ARIH1: variants seen among roughly 807,000 people sequenced by gnomAD.
The protein encoded by ARIH1 is ariadne RBR E3 ubiquitin protein ligase 1, also known as E3 ubiquitin-protein ligase ARIH1.
A neutral mutation model predicts 85.0 loss-of-function variants in ARIH1; 8 were observed. The observed-to-expected ratio is 0.09, with a 90% CI of 0.06 to 0.17. The LOEUF (loss-of-function observed/expected upper bound fraction) is 0.17. Among genes scored for constraint, ARIH1 ranks in the 10% least tolerant of loss-of-function variants. ARIH1 has a pLI of 1.00. For missense variants in ARIH1, 311 were observed against 718.1 expected, an observed-to-expected ratio of 0.43 and a Z score of 6.48; for synonymous variants, 238 against 253.6, an observed-to-expected ratio of 0.94 and a Z score of 0.59.
intron 2 of ARIH1, among the ~76,000 whole-genome samples, chr15:72,518,547 T>G (rs1490586390): frequency 1.3e-5 from 2 of 152,172 alleles, no homozygotes; most frequent in Non-Finnish European, 2.9e-5. Flanking sequence ...CCCAGCACTT[T>G]GGGAGGCTGA....
At chr15:72,507,545 C>T (rs1839614699) in intron 1 of ARIH1, among the ~76,000 whole-genome samples, 1 of 152,068 alleles carries the variant, frequency 6.6e-6, no homozygotes, top group African/African-American at 2.4e-5. Flanking sequence ...TTAAAAGCTT[C>T]CTAGATGGCT....
intron 11 of ARIH1, among the ~76,000 whole-genome samples, chr15:72,572,700 G>C (rs955003626): frequency 2.6e-5 from 4 of 152,156 alleles, no homozygotes; most frequent in Non-Finnish European, 4.4e-5. Context: ...TTTTGGTAGA[G>C]TCTTGCTTTC....
In ARIH1 at chr15:72,561,390, C is replaced by T. The variant is rs568781160; in HGVS notation, c.738-93C>T. ...ACAGCTTAGGGCATAAACATGTAGCCGTAGCATAAACAGCTTTTGAAACTA... is the reference window on the plus strand; with the variant it reads ...ACAGCTTAGGGCATAAACATGTAGCTGTAGCATAAACAGCTTTTGAAACTA... On this transcript the variant is annotated intron_variant, in intron 5 of 13. Coordinates refer to ENST00000379887, the MANE Select transcript of ARIH1 (RefSeq NM_005744.5). 283 of 854,324 alleles carry T rather than the reference C, an allele frequency of 3.3e-4. 2 individuals are homozygous for T. The highest frequency in any genetic ancestry group is 3.2e-3 in the South Asian group (209 of 66,002). The allele number at this position is 854,324 out of a possible 1,614,324, so 52.9% of individuals were successfully genotyped here. A position where few individuals can be genotyped will look rare whatever the true frequency, so the allele number is the denominator to read the frequency against.
At chr15:72,543,862 A>G (rs1365160751) in intron 2 of ARIH1, among the ~76,000 whole-genome samples, 1 of 150,764 alleles carries the variant, frequency 6.6e-6, no homozygotes. Context: ...TTTTTTTTTA[A>G]TATCTATTGC....
chr15:72,548,333 G>A (rs905775994), intron 3 of ARIH1, among the ~76,000 whole-genome samples: 1 of 152,034 alleles, frequency 6.6e-6, no homozygotes. Flanking sequence ...AAGAACTGGG[G>A]GATGGTAAAT....
chr15:72,567,492 TTAG>T (rs752833512), intron 9 of ARIH1, among the ~76,000 whole-genome samples: 3 of 152,208 alleles, frequency 2.0e-5, no homozygotes, highest in Non-Finnish European at 4.4e-5. Context: ...TGGCTGCCAT[TTAG>T]TATACAAATG....
Position 72,597,576 on chromosome 15 carries a change from C to T in ARIH1, c.*14284C>T, listed in dbSNP as rs1353229207. The T allele has an allele frequency of 2.0e-5, 3 of 152,182 alleles. No individual in the cohort carries two copies. Among genetic ancestry groups the T allele is most frequent in the Non-Finnish European group, 2.9e-5 (2 of 68,052 alleles). 9.4% of individuals were successfully genotyped at this position (152,182 alleles called of 1,614,324 possible). On this transcript the variant is annotated 3_prime_UTR_variant, in exon 14 of 14. Coordinates refer to ENST00000379887, the MANE Select transcript of ARIH1 (RefSeq NM_005744.5). Reference sequence around the variant, plus strand: ...CCCCATTTAGGCTCCAAGAGTGCCTCTGTTGGATTTCACAACAATCCTGCC... The same window carrying T: ...CCCCATTTAGGCTCCAAGAGTGCCTTTGTTGGATTTCACAACAATCCTGCC...
chr15:72,528,596 G>A (rs2064040542), intron 2 of ARIH1, among the ~76,000 whole-genome samples: 1 of 152,234 alleles, frequency 6.6e-6, no homozygotes, highest in African/African-American at 2.4e-5. Flanking sequence ...GCTCATGCCT[G>A]TGATCCCAGA....
chr15:72,503,083 C>G (rs1039004439), intron 1 of ARIH1, among the ~76,000 whole-genome samples: 5 of 152,222 alleles, frequency 3.3e-5, no homozygotes, highest in African/African-American at 1.2e-4. Flanking sequence ...AGGTGCTTCT[C>G]TGTCCTAAGT....
At chr15:72,549,229 A>G (rs1188580664) in intron 3 of ARIH1, among the ~76,000 whole-genome samples, 1 of 151,652 alleles carries the variant, frequency 6.6e-6, no homozygotes, top group Non-Finnish European at 1.5e-5. Context: ...CTGGGATTAC[A>G]GCCGCCCACC....
chr15:72,527,691 G>C (rs1022908686), intron 2 of ARIH1, among the ~76,000 whole-genome samples: 2 of 152,082 alleles, frequency 1.3e-5, no homozygotes, highest in African/African-American at 4.8e-5. Flanking sequence ...CATTGGCCCA[G>C]GCCTGACTTG....
rs2064376272 is a variant in ARIH1 at position 72,599,873 on chromosome 15, TTG to T, written c.*16582_*16583del. 2.6e-5 allele frequency: 4 copies of T among 152,242 alleles called. No homozygotes were observed. Among genetic ancestry groups the T allele is most frequent in the Admixed American group, 2.6e-4 (4 of 15,288 alleles). The allele number at this position is 152,242 out of a possible 1,614,324, so 9.4% of individuals were successfully genotyped here. On this transcript the variant is annotated 3_prime_UTR_variant, in exon 14 of 14. Coordinates refer to ENST00000379887, the MANE Select transcript of ARIH1 (RefSeq NM_005744.5). Reference sequence around the variant, plus strand: ...TGTCCACATTCACCATTGATTGCTATTGAGTATATCTGTAGCATCAAGAATAG... The same window carrying T: ...TGTCCACATTCACCATTGATTGCTATAGTATATCTGTAGCATCAAGAATAG...
intron 2 of ARIH1, among the ~76,000 whole-genome samples, chr15:72,528,828 A>G (rs890177235): frequency 1.8e-4 from 28 of 151,932 alleles, no homozygotes; most frequent in Non-Finnish European, 3.1e-4. Flanking sequence ...CTCTAGCCTG[A>G]GTGACCAAGT....
chr15:72,494,153 G>A (rs1167077963), intron 1 of ARIH1, among the ~76,000 whole-genome samples: 2 of 152,048 alleles, frequency 1.3e-5, no homozygotes, highest in Non-Finnish European at 2.9e-5. Flanking sequence ...GTTTAATTGG[G>A]AACCATTTGT....
At chr15:72,483,322 G>T (rs575713381) in intron 1 of ARIH1, among the ~76,000 whole-genome samples, 35 of 152,320 alleles carry the variant, frequency 2.3e-4, no homozygotes, top group African/African-American at 8.4e-4. Flanking sequence ...ACAGTAGCTT[G>T]TTTCCTCCAG....
At chr15:72,538,606 C>T (rs567019663) in intron 2 of ARIH1, among the ~76,000 whole-genome samples, 6 of 152,214 alleles carry the variant, frequency 3.9e-5, no homozygotes, top group African/African-American at 1.2e-4. Flanking sequence ...TCCCTACCAG[C>T]CCCGTTTCCT....
In ARIH1 at chr15:72,498,240, A is replaced by T. The variant is rs535900604; in HGVS notation, c.376-19827A>T. On this transcript the variant is annotated intron_variant, in intron 1 of 13. Coordinates refer to ENST00000379887, the MANE Select transcript of ARIH1 (RefSeq NM_005744.5). Reference sequence around the variant, plus strand: ...TCAATAGACTTTAATCTGCAACCAAAATGTTTTTTTTTTAAATAAAAATGA... The same window carrying T: ...TCAATAGACTTTAATCTGCAACCAATATGTTTTTTTTTTAAATAAAAATGA... 2.1e-3 allele frequency among the ~76,000 whole-genome samples: 105 copies of T among 49,112 alleles called. No homozygotes were observed. In the Admixed American group the frequency reaches 0.032, roughly 15 times the overall value. 32.2% of individuals were successfully genotyped at this position (49,112 alleles called of 152,430 possible).
intron 2 of ARIH1, among the ~76,000 whole-genome samples, chr15:72,539,145 C>G (rs183101338): frequency 6.6e-6 from 1 of 152,326 alleles, no homozygotes; most frequent in Non-Finnish European, 1.5e-5. Context: ...GATGCCTCAA[C>G]TACAGTGCTT....
chr15:72,563,271 C>T, intron 6 of ARIH1, 123 bp from the exon 7 acceptor site: 1 of 697,928 alleles, frequency 1.4e-6, no homozygotes, highest in South Asian at 1.8e-5. Context: ...GTTGCCCGGG[C>T]TGGTCTGGAG....
Sources: gnomAD v4.1 joint callset for allele counts (sites outside exome capture counted in the v4.1 genomes callset) on GRCh38, gnomAD v4.1.1 for gene constraint, MANE v1.5 for transcripts, NCBI Gene and HGNC (gene_info 2026-07-23, HGNC 2026-07-21) for gene names.